CHPT1: variants seen among roughly 807,000 people sequenced by gnomAD.
The protein encoded by CHPT1 is choline phosphotransferase 1.
CHPT1 carries 36 observed loss-of-function variants against 47.6 expected under a neutral mutation model. The ratio of observed to expected loss-of-function variants is 0.76; its 90% confidence interval spans 0.58 to 1.00. The LOEUF (loss-of-function observed/expected upper bound fraction) is 1.00. CHPT1 is among the 50% of genes least tolerant of loss of function. The pLI, the probability that CHPT1 is intolerant of heterozygous loss-of-function variation, is 0.00. For missense variants in CHPT1, 458 were observed against 498.1 expected (o/e 0.92, Z 0.77); for synonymous variants, 194 against 186.3 (o/e 1.04, Z -0.33).
Position 101,723,811 on chromosome 12 carries a change from C to T in CHPT1, c.1029C>T (p.Asn343=), listed in dbSNP as rs11082. 0.55 allele frequency: 837,364 copies of T among 1,528,124 alleles called. 236,001 individuals are homozygous for T. The highest frequency in any genetic ancestry group is 0.88 in the East Asian group (38,882 of 44,040). 94.7% of individuals were successfully genotyped at this position (1,528,124 alleles called of 1,614,324 possible). ...TGTTTTTAGACCAGTACTTTAATAA[C>T]TTTATAGACGAATATGTTGTTCTAT... The part of the protein sequence containing the change: ...GLLFLDQYFN[N]FIDEYVVLWM... Residue 343 remains asparagine (N), a synonymous_variant, in exon 7 of 9, where the codon AAC becomes AAT. Transcript: ENST00000229266.
intron 1 of CHPT1, among the ~76,000 whole-genome samples, chr12:101,699,271 A>G (rs1411290086): frequency 1.3e-5 from 2 of 152,152 alleles, no homozygotes; most frequent in African/African-American, 4.8e-5. Context: ...TGTTTTTAGT[A>G]GATACAAGGT....
chr12:101,723,582 A>G (rs1216751543), intron 6 of CHPT1, 140 bp from the exon 7 acceptor site: 8 of 634,218 alleles, frequency 1.3e-5, no homozygotes, highest in Non-Finnish European at 2.1e-5. Context: ...TGTGAATTTG[A>G]GAAGGTGTAG....
In CHPT1 at chr12:101,725,205, G is replaced by A. The variant is rs1196152614; in HGVS notation, c.1066-1089G>A. 2.0e-5 allele frequency among the ~76,000 whole-genome samples: 3 copies of A among 151,814 alleles called. No individual in the cohort carries two copies. In the East Asian group the frequency reaches 5.8e-4, roughly 29 times the overall value. On this transcript the variant is annotated intron_variant, in intron 7 of 8. Coordinates refer to ENST00000229266, the MANE Select transcript of CHPT1 (RefSeq NM_020244.3). ...GCTTTTTCTGGAGTAACTTAATAACGTAATATTCATTCATAGTCCATTCAG... is the reference window on the plus strand; with the variant it reads ...GCTTTTTCTGGAGTAACTTAATAACATAATATTCATTCATAGTCCATTCAG...
At position 101,697,812 on chromosome 12, in the gene CHPT1, C is replaced by G; in HGVS notation, c.-50C>G. On this transcript the variant is annotated 5_prime_UTR_variant, in exon 1 of 9. Coordinates refer to ENST00000229266, the MANE Select transcript of CHPT1 (RefSeq NM_020244.3). Reference sequence around the variant, plus strand: ...TCCCTCCACCTCTCCCTGCCCCCAGCGCCAGGCGCGGGCTGCGCTCGGTGG... The same window carrying G: ...TCCCTCCACCTCTCCCTGCCCCCAGGGCCAGGCGCGGGCTGCGCTCGGTGG... 1 of 737,800 alleles carries G rather than the reference C, an allele frequency of 1.4e-6. No homozygotes were observed. Among genetic ancestry groups the G allele is most frequent in the Non-Finnish European group, 1.7e-6 (1 of 594,790 alleles). The allele number at this position is 737,800 out of a possible 1,614,324, so 45.7% of individuals were successfully genotyped here.
chr12:101,702,701 T>C (rs1022991838), intron 1 of CHPT1, among the ~76,000 whole-genome samples: 2 of 152,082 alleles, frequency 1.3e-5, no homozygotes, highest in African/African-American at 4.8e-5. Flanking sequence ...TTAAGCACTC[T>C]TTTACTCCCA....
At chr12:101,714,950 G>A (rs958251614) in intron 3 of CHPT1, 2 of 192,114 alleles carry the variant, frequency 1.0e-5, no homozygotes, top group African/African-American at 4.7e-5. Flanking sequence ...AAAGGGATAT[G>A]CAGTACTTAA....
Position 101,714,649 on chromosome 12 carries a change from A to G in CHPT1, c.563+4A>G. ...CAGGCATGTTGAGATTTGGAAAGTA[A>G]GTATGCTTTTTAAGTTGTACATTAA... On this transcript the variant is annotated splice_donor_region_variant and intron_variant, in intron 3 of 8. Coordinates refer to ENST00000229266, the MANE Select transcript of CHPT1 (RefSeq NM_020244.3). 6.3e-7 allele frequency: 1 copy of G among 1,597,758 alleles called. No individual in the cohort carries two copies. Among genetic ancestry groups the G allele is most frequent in the Non-Finnish European group, 8.5e-7 (1 of 1,175,410 alleles).
At chr12:101,705,752 TTTTGTTTG>T (rs751431818) in intron 1 of CHPT1, among the ~76,000 whole-genome samples, 4 of 133,488 alleles carry the variant, frequency 3.0e-5, no homozygotes, top group Non-Finnish European at 1.6e-5. Flanking sequence ...TGCTTTTTTG[TTTTGTTTG>T]TTTGTTTGTT....
intron 1 of CHPT1, among the ~76,000 whole-genome samples, chr12:101,713,160 TAC>T (rs1951717817): frequency 6.7e-6 from 1 of 148,580 alleles, no homozygotes; most frequent in African/African-American, 2.4e-5. Flanking sequence ...CTGAGAACTT[TAC>T]CCAATGCCCC....
At chr12:101,701,583 A>G (rs1439499553) in intron 1 of CHPT1, among the ~76,000 whole-genome samples, 2 of 152,206 alleles carry the variant, frequency 1.3e-5, no homozygotes, top group East Asian at 1.9e-4. Context: ...GCCAGAAGCT[A>G]TGCTTCCTTT....
At position 101,728,919 on chromosome 12, in the gene CHPT1, A is replaced by G. The variant is rs745855075; in HGVS notation, c.1195A>G (p.Lys399Glu). 17 of 1,613,356 alleles carry G rather than the reference A, an allele frequency of 1.1e-5. No homozygotes were observed. The highest frequency in any genetic ancestry group is 1.3e-5 in the Non-Finnish European group (15 of 1,179,660). The change falls in exon 9 of 9, where the codon AAG becomes GAG. Residue 399 changes from lysine to glutamate, a missense_variant. Coordinates refer to ENST00000229266, the MANE Select transcript of CHPT1 (RefSeq NM_020244.3). ...APEQVQVLSSKSHQNNMD is the reference protein window; with the variant it reads ...APEQVQVLSSESHQNNMD ...TACTTAGGTTCAAGTTCTTTCTTCA[A>G]AGAGTCATCAGAATAACATGGATTG...
chr12:101,709,872 A>T lies in CHPT1; in HGVS notation c.274-4218A>T, dbSNP rs542689877. Among the ~76,000 whole-genome samples the T allele has an allele frequency of 2.7e-5, 4 of 148,732 alleles. No individual in the cohort carries two copies. In the East Asian group the frequency reaches 8.0e-4, roughly 30 times the overall value. On this transcript the variant is annotated intron_variant, in intron 1 of 8. Transcript: ENST00000229266. The stretch of plus-strand genomic sequence containing the variant: ...AGTCTGTGTGGCCTGTGGTAGGATA[A>T]ATCTCATCGAAGGGCAAGTCGGAAG...
In CHPT1 at chr12:101,697,789, C is replaced by A; in HGVS notation, c.-73C>A. On this transcript the variant is annotated 5_prime_UTR_variant, in exon 1 of 9. Coordinates refer to ENST00000229266, the MANE Select transcript of CHPT1 (RefSeq NM_020244.3). ...CGCAGGACCCGGCCGCCAGCCTCTC[C>A]CTCCACCTCTCCCTGCCCCCAGCGC... 1.9e-6 allele frequency: 1 copy of A among 515,772 alleles called. No individual in the cohort carries two copies. The highest frequency in any genetic ancestry group is 2.5e-6 in the Non-Finnish European group (1 of 393,520). The allele number at this position is 515,772 out of a possible 1,614,324, so 31.9% of individuals were successfully genotyped here.
At position 101,726,272 on chromosome 12, in the gene CHPT1, ATT is replaced by A. The variant is rs1489570627; in HGVS notation, c.1066-19_1066-18del. On this transcript the variant is annotated intron_variant, in intron 7 of 8. Transcript: ENST00000229266. Reference sequence around the variant, plus strand: ...AAAGATAGATCATAATCGATTTTATATTTTCTTTTTTGCTTCTAAAGGTGATT... The same window carrying A: ...AAAGATAGATCATAATCGATTTTATATTCTTTTTTGCTTCTAAAGGTGATT... 6.7e-7 allele frequency: 1 copy of A among 1,483,600 alleles called. No homozygotes were observed. Among genetic ancestry groups the A allele is most frequent in the African/African-American group, 1.4e-5 (1 of 72,090 alleles). The allele number at this position is 1,483,600 out of a possible 1,614,324, so 91.9% of individuals were successfully genotyped here. A position where few individuals can be genotyped will look rare whatever the true frequency, so the allele number is the denominator to read the frequency against.
intron 3 of CHPT1, 87 bp from the exon 4 acceptor site, chr12:101,716,641 A>G (rs2137018479): frequency 2.7e-6 from 2 of 742,606 alleles, no homozygotes; most frequent in East Asian, 2.6e-5. Flanking sequence ...AGATTTTTAC[A>G]TCTTTGCTAT....
chr12:101,722,732 T>G lies in CHPT1; in HGVS notation c.781-436T>G, dbSNP rs796812948. Among the ~76,000 whole-genome samples the G allele has an allele frequency of 6.8e-3, 874 of 127,706 alleles. 7 individuals are homozygous for G. The highest frequency in any genetic ancestry group is 0.023 in the African/African-American group (779 of 34,012). 83.8% of individuals were successfully genotyped at this position (127,706 alleles called of 152,430 possible). ...TAAAAAAAAAAAAAAAAAAAGAAAA[T>G]AGGAAAAAAGAAGGAAACCTGAATA... On this transcript the variant is annotated intron_variant, in intron 5 of 8. Coordinates refer to ENST00000229266, the MANE Select transcript of CHPT1 (RefSeq NM_020244.3).
intron 1 of CHPT1, among the ~76,000 whole-genome samples, chr12:101,712,960 C>A (rs1951716093): frequency 6.7e-6 from 1 of 148,452 alleles, no homozygotes; most frequent in Admixed American, 6.9e-5. Flanking sequence ...TTACTGAATG[C>A]CAAACCTTGT....
At chr12:101,698,888 C>T (rs1009858160) in intron 1 of CHPT1, among the ~76,000 whole-genome samples, 1 of 152,212 alleles carries the variant, frequency 6.6e-6, no homozygotes, top group Non-Finnish European at 1.5e-5. Context: ...GTGGAGTTCA[C>T]TCCCATCTAT....
At chr12:101,716,328 T>C (rs990439783) in intron 3 of CHPT1, among the ~76,000 whole-genome samples, 2 of 152,208 alleles carry the variant, frequency 1.3e-5, no homozygotes, top group African/African-American at 4.8e-5. Context: ...CCTGGGAGTA[T>C]TTAAATTTGC....
Sources: allele counts gnomAD v4.1 joint callset (sites outside exome capture counted in the v4.1 genomes callset), GRCh38; gene constraint gnomAD v4.1.1; transcripts MANE v1.5; gene names NCBI Gene and HGNC (gene_info 2026-07-23, HGNC 2026-07-21).